The following IL1R1 variants were observed in gnomAD, a reference collection of about 807,000 sequenced individuals.
IL1R1 encodes the protein interleukin 1 receptor type 1, also known as interleukin-1 receptor type 1.
In IL1R1, 22 loss-of-function variants were observed where a neutral mutation model predicts 50.2. The ratio of observed to expected loss-of-function variants is 0.44; its 90% CI spans 0.31 to 0.63. The LOEUF is 0.63. IL1R1 is among the 20% of genes least tolerant of loss of function. The pLI is 0.07. For synonymous variants in IL1R1, 251 were observed against 236.7 expected (o/e 1.06, Z -0.55); for missense variants, 509 against 676.2 (o/e 0.75, Z 2.74).
intron 1 of IL1R1, among the ~76,000 whole-genome samples, chr2:102,092,129 C>T (rs1679695670): frequency 6.6e-6 from 1 of 152,178 alleles, no homozygotes; most frequent in Admixed American, 6.5e-5. Context: ...TGAGACCCCC[C>T]TCAAGCTTCT....
At chr2:102,108,073 A>G (rs1313932786) in intron 1 of IL1R1, among the ~76,000 whole-genome samples, 1 of 152,198 alleles carries the variant, frequency 6.6e-6, no homozygotes, top group Non-Finnish European at 1.5e-5. Flanking sequence ...ATAGAGGAAA[A>G]GCAAAAATGC....
chr2:102,167,233 A>T (rs532772035), intron 6 of IL1R1, among the ~76,000 whole-genome samples: 2 of 152,236 alleles, frequency 1.3e-5, no homozygotes, highest in African/African-American at 4.8e-5. Flanking sequence ...AAATATTTTT[A>T]TTAAATAAAA....
intron 1 of IL1R1, among the ~76,000 whole-genome samples, chr2:102,094,731 G>T (rs1213134241): frequency 6.6e-6 from 1 of 152,036 alleles, no homozygotes; most frequent in Non-Finnish European, 1.5e-5. Flanking sequence ...GCGTTACCAG[G>T]TTGCAGTCAG....
Position 102,176,687 on chromosome 2 carries a change from A to C in IL1R1, c.1638A>C (p.Ser546=). ...YHMPVQRRSP[S]SKHQLLSPAT... Reference sequence around the variant, plus strand: ...TGCCAGTCCAGCGACGGTCACCTTCATCTAAACACCAGTTACTGTCACCAG... The same window carrying C: ...TGCCAGTCCAGCGACGGTCACCTTCCTCTAAACACCAGTTACTGTCACCAG... Residue 546 remains serine, a synonymous_variant, in exon 12 of 12, where the codon TCA becomes TCC. Transcript: ENST00000410023. 1 of 1,614,202 alleles carries C rather than the reference A, an allele frequency of 6.2e-7. No homozygotes were observed. The highest frequency in any genetic ancestry group is 8.5e-7 in the Non-Finnish European group (1 of 1,180,046).
chr2:102,086,293 C>T (rs1445701705), intron 1 of IL1R1, among the ~76,000 whole-genome samples: 1 of 152,148 alleles, frequency 6.6e-6, no homozygotes, highest in Admixed American at 6.5e-5. Context: ...CGTACTTTCT[C>T]ATAAGAATTC....
intron 1 of IL1R1, among the ~76,000 whole-genome samples, chr2:102,083,084 C>T (rs944651564): frequency 4.6e-5 from 7 of 152,120 alleles, no homozygotes; most frequent in African/African-American, 1.7e-4. Context: ...TGACTTTGCA[C>T]CCCTGATGCT....
At chr2:102,174,451 G>A in intron 9 of IL1R1, 136 bp from the exon 10 acceptor site, 2 of 583,698 alleles carry the variant, frequency 3.4e-6, no homozygotes, top group Non-Finnish European at 5.9e-6. Context: ...AATAATGAAT[G>A]AGTTAATATT....
At chr2:102,091,263 TA>T (rs1195081019) in intron 1 of IL1R1, among the ~76,000 whole-genome samples, 1 of 152,214 alleles carries the variant, frequency 6.6e-6, no homozygotes, top group African/African-American at 2.4e-5. Flanking sequence ...TTCTTTCTTT[TA>T]ATCTATCAAT....
chr2:102,142,762 G>A lies in IL1R1; in HGVS notation c.-342G>A, dbSNP rs1232307464. On this transcript the variant is annotated 5_prime_UTR_variant, in exon 1 of 12. Coordinates refer to ENST00000410023, the MANE Select transcript of IL1R1 (RefSeq NM_000877.4). ...GCGCCCGGCAGTTCCCGGCCGCGAG[G>A]GCGGGCGCAGCTTGTGGCCGGCGGC... 1 of 149,596 alleles carries A rather than the reference G, an allele frequency of 6.7e-6. No individual in the cohort carries two copies. The highest frequency in any genetic ancestry group is 2.4e-5 in the African/African-American group (1 of 41,112). The allele number at this position is 149,596 out of a possible 1,614,324, so 9.3% of individuals were successfully genotyped here. A position where few individuals can be genotyped will look rare whatever the true frequency, so the allele number is the denominator to read the frequency against.
intron 1 of IL1R1, among the ~76,000 whole-genome samples, chr2:102,089,723 C>T (rs1050736765): frequency 9.2e-5 from 14 of 151,782 alleles, no homozygotes; most frequent in Non-Finnish European, 1.9e-4. Flanking sequence ...AGTTGTAAGT[C>T]TTCCTCTGAA....
intron 1 of IL1R1, among the ~76,000 whole-genome samples, chr2:102,144,007 G>A (rs1280323567): frequency 5.3e-5 from 8 of 152,228 alleles, no homozygotes; most frequent in African/African-American, 1.7e-4. Flanking sequence ...GACATTGAAT[G>A]TATGAAACAG....
At chr2:102,157,621 G>C in intron 2 of IL1R1, 98 bp from the exon 3 acceptor site, 1 of 741,008 alleles carries the variant, frequency 1.3e-6, no homozygotes, top group Non-Finnish European at 2.4e-6. Flanking sequence ...GTGGGTGAGG[G>C]TGGGGACAGG....
Position 102,175,629 on chromosome 2 carries a change from T to A in IL1R1, c.1287T>A (p.Asp429Glu), listed in dbSNP as rs1247581184. 1 of 1,614,030 alleles carries A rather than the reference T, an allele frequency of 6.2e-7. No individual in the cohort carries two copies. Among genetic ancestry groups the A allele is most frequent in the Non-Finnish European group, 8.5e-7 (1 of 1,179,944 alleles). The change falls in exon 11 of 12, where the codon GAT becomes GAA. Residue 429 changes from aspartate (D) to glutamate (E), a missense_variant. Physicochemically the swap from Asp to Glu is conservative, Grantham distance 45. Coordinates refer to ENST00000410023, the MANE Select transcript of IL1R1 (RefSeq NM_000877.4). ...ATAAGCTGTTCATTTATGGAAGGGA[T>A]GACTACGTTGGGGAAGGTATGTGTG... Reference protein sequence around the residue: ...CGYKLFIYGRDDYVGEDIVEV... With the variant: ...CGYKLFIYGREDYVGEDIVEV...
intron 1 of IL1R1, among the ~76,000 whole-genome samples, chr2:102,116,484 T>A (rs1559470643): frequency 6.6e-6 from 1 of 152,226 alleles, no homozygotes; most frequent in Non-Finnish European, 1.5e-5. Context: ...CTTCTGCAAA[T>A]AGCATTTCTG....
chr2:102,172,661 G>C (rs1559508073), intron 8 of IL1R1, 26 bp from the exon 9 acceptor site: 2 of 1,572,462 alleles, frequency 1.3e-6, no homozygotes, highest in Non-Finnish European at 1.7e-6. Context: ...ACTTACACAA[G>C]TTTATTTACT....
At chr2:102,071,654 C>G (rs1678724651) in intron 1 of IL1R1, among the ~76,000 whole-genome samples, 1 of 152,184 alleles carries the variant, frequency 6.6e-6, no homozygotes, top group South Asian at 2.1e-4. Context: ...TTTGGCATTT[C>G]CCTGTATGTC....
chr2:102,135,649 A>T (rs1336890793), intron 1 of IL1R1, among the ~76,000 whole-genome samples: 2 of 152,184 alleles, frequency 1.3e-5, no homozygotes, highest in Non-Finnish European at 2.9e-5. Context: ...TCGAGTACGG[A>T]TTTAAAACGA....
intron 1 of IL1R1, among the ~76,000 whole-genome samples, chr2:102,148,977 CAA>C (rs1683403605): frequency 7.3e-6 from 1 of 136,674 alleles, no homozygotes; most frequent in African/African-American, 2.5e-5. Flanking sequence ...AACAAACAAA[CAA>C]ACGGGTAACA....
intron 1 of IL1R1, among the ~76,000 whole-genome samples, chr2:102,074,413 C>CATCTCTGGGCCTCTCCGCCCACGTT (rs56030113): frequency 2.0e-5 from 3 of 151,868 alleles, no homozygotes; most frequent in Non-Finnish European, 2.9e-5. Flanking sequence ...CTGCCCATGT[C>CATCTCTGGGCCTCTCCGCCCACGTT]ATCTCTGGGC....
Sources: allele counts gnomAD v4.1 joint callset (sites outside exome capture counted in the v4.1 genomes callset), GRCh38; gene constraint gnomAD v4.1.1; transcripts MANE v1.5; gene names NCBI Gene and HGNC (gene_info 2026-07-23, HGNC 2026-07-21).